PLPPR4: variants seen among roughly 807,000 people sequenced by gnomAD.
PLPPR4 encodes the protein phospholipid phosphatase related 4, also known as phospholipid phosphatase-related protein type 4.
In PLPPR4, 24 loss-of-function variants were observed where a neutral mutation model predicts 56.6. That is an observed-to-expected ratio of 0.42 (90% CI 0.31 to 0.60). PLPPR4 has a LOEUF of 0.60. Among genes scored for constraint, PLPPR4 ranks in the 20% least tolerant of loss-of-function variants. PLPPR4 has a pLI of 0.13. For synonymous variants in PLPPR4, 326 were observed against 328.1 expected, an observed-to-expected ratio of 0.99 and a Z score of 0.07; for missense variants, 654 against 885.8, an observed-to-expected ratio of 0.74 and a Z score of 3.32.
At position 99,306,186 on chromosome 1, in the gene PLPPR4, G is replaced by A. The variant is rs930651966; in HGVS notation, c.1324G>A (p.Val442Met). 1 of 1,613,980 alleles carries A rather than the reference G, an allele frequency of 6.2e-7. No individual in the cohort carries two copies. The highest frequency in any genetic ancestry group is 1.3e-5 in the African/African-American group (1 of 74,900). Residue 442 changes from valine (V) to methionine (M), a missense_variant, in exon 7 of 7, where the codon GTG (valine) becomes ATG (methionine). Coordinates refer to ENST00000370185, the MANE Select transcript of PLPPR4 (RefSeq NM_014839.5). The surrounding 1 kb of genome is among the most constrained non-coding windows in gnomAD (Gnocchi z 4.0). ...AAGCTCAGAGCCATCGAGGGTAGGG[G>A]TGAATGGAGACCACCATGGTCCTGG... ...RSSSEPSRVGVNGDHHGPGNQ... is the reference protein window; with the variant it reads ...RSSSEPSRVGMNGDHHGPGNQ...
rs1043300081 is a variant in PLPPR4 at position 99,298,720 on chromosome 1, G to T, written c.395-315G>T. 2.5e-5 allele frequency: 14 copies of T among 550,428 alleles called. 2 individuals are homozygous for T. The South Asian group carries it at 3.4e-4, about 13-fold the overall frequency. The allele number at this position is 550,428 out of a possible 1,614,324, so 34.1% of individuals were successfully genotyped here. On this transcript the variant is annotated intron_variant, in intron 3 of 6. Transcript: ENST00000370185. ...AATTTTTCTTCATTCCACACATGTCGTCGCTCTCAAATAATACCTTAGCAT... is the reference window on the plus strand; with the variant it reads ...AATTTTTCTTCATTCCACACATGTCTTCGCTCTCAAATAATACCTTAGCAT...
At chr1:99,279,268 T>C (rs1165262358) in intron 1 of PLPPR4, among the ~76,000 whole-genome samples, 2 of 152,180 alleles carry the variant, frequency 1.3e-5, no homozygotes, top group African/African-American at 4.8e-5. Context: ...AGGATATCTC[T>C]GTATGGTCAG....
upstream of PLPPR4, among the ~76,000 whole-genome samples, chr1:99,263,395 T>C (rs1463309320): frequency 6.6e-6 from 1 of 151,968 alleles, no homozygotes; most frequent in Non-Finnish European, 1.5e-5. Context: ...GTGAAATGAG[T>C]ATATTATTAG....
At position 99,288,014 on chromosome 1, in the gene PLPPR4, C is replaced by T. The variant is rs1192900478; in HGVS notation, c.128C>T (p.Thr43Ile). The change falls in exon 2 of 7, where the codon ACA (threonine) becomes ATA (isoleucine). Residue 43 changes from threonine to isoleucine, a missense_variant. Transcript: ENST00000370185. ...SVVSLYFLEL[T>I]DVFKPVHSGF... is the part of the protein sequence containing the mutation. ...GTTAGCCTCTATTTCCTCGAACTCA[C>T]AGATGTCTTCAAACCTGTGCACTCT... 1 of 1,613,576 alleles carries T rather than the reference C, an allele frequency of 6.2e-7. No individual in the cohort carries two copies.
chr1:99,268,192 C>G (rs992926091), intron 1 of PLPPR4, among the ~76,000 whole-genome samples: 1 of 152,230 alleles, frequency 6.6e-6, no homozygotes, highest in African/African-American at 2.4e-5. Flanking sequence ...GGCAAGGGCA[C>G]ACTGACAAAC....
intron 1 of PLPPR4, among the ~76,000 whole-genome samples, chr1:99,265,961 A>G (rs1222848704): frequency 6.6e-6 from 1 of 152,208 alleles, no homozygotes; most frequent in African/African-American, 2.4e-5. Context: ...GCATTCATGA[A>G]CCATAGAAAA....
chr1:99,290,212 A>G (rs146753070), intron 2 of PLPPR4, among the ~76,000 whole-genome samples: 225 of 152,314 alleles, frequency 1.5e-3, no homozygotes, highest in African/African-American at 4.6e-3. Context: ...AAAGAATGAA[A>G]TATCTAGGAA....
chr1:99,279,317 A>G (rs762289036), intron 1 of PLPPR4, among the ~76,000 whole-genome samples: 8 of 152,336 alleles, frequency 5.3e-5, no homozygotes, highest in Admixed American at 2.0e-4. Context: ...GCAGGAAAAC[A>G]TGTGGAACCT....
intron 2 of PLPPR4, among the ~76,000 whole-genome samples, chr1:99,294,073 T>G (rs72980839): frequency 0.057 from 8,536 of 149,210 alleles, 785 homozygotes; most frequent in African/African-American, 0.2. Context: ...TCTGACACCA[T>G]ACCTCAGTAC....
chr1:99,299,332 GT>G, intron 4 of PLPPR4, 102 bp downstream of exon 4: 1 of 849,932 alleles, frequency 1.2e-6, no homozygotes, highest in Non-Finnish European at 1.8e-6. Flanking sequence ...TAATGATTTT[GT>G]TTTTATTTTT....
intron 6 of PLPPR4, among the ~76,000 whole-genome samples, chr1:99,302,154 G>A (rs1258655115): frequency 6.6e-6 from 1 of 152,056 alleles, no homozygotes; most frequent in Admixed American, 6.6e-5. Context: ...GAGGTGGGCA[G>A]GGACTACTAT....
chr1:99,264,447 T>G, upstream of PLPPR4: 1 of 1,484,002 alleles, frequency 6.7e-7, no homozygotes, highest in Non-Finnish European at 8.9e-7. Flanking sequence ...GCGGGGGCGC[T>G]GCATGCAGCG....
intron 3 of PLPPR4, chr1:99,298,774 A>C (rs902351900): frequency 3.3e-6 from 2 of 606,016 alleles, no homozygotes; most frequent in African/African-American, 3.7e-5. Flanking sequence ...AGTGACTTAC[A>C]GTTAATGTTA....
intron 1 of PLPPR4, 108 bp downstream of exon 1, chr1:99,264,779 G>T: frequency 8.1e-7 from 1 of 1,233,250 alleles, no homozygotes. Flanking sequence ...GGGCGCGCGC[G>T]GCTGTCCCCA....
intron 1 of PLPPR4, among the ~76,000 whole-genome samples, chr1:99,278,723 G>A (rs569869178): frequency 6.6e-6 from 1 of 152,126 alleles, no homozygotes; most frequent in African/African-American, 2.4e-5. Flanking sequence ...CAATATTCAG[G>A]TAATAAAACA....
intron 2 of PLPPR4, among the ~76,000 whole-genome samples, chr1:99,291,106 A>G (rs1275695314): frequency 2.0e-5 from 3 of 151,560 alleles, no homozygotes; most frequent in African/African-American, 7.3e-5. Context: ...AAAAAAAAAA[A>G]CAATTAAAAA....
At chr1:99,301,619 G>A (rs760409405) in intron 5 of PLPPR4, 105 bp from the exon 6 acceptor site, 27 of 747,910 alleles carry the variant, frequency 3.6e-5, no homozygotes, top group Non-Finnish European at 5.7e-5. Context: ...GGGTGAAACA[G>A]TAAAACTGAA....
chr1:99,270,581 A>C lies in PLPPR4; in HGVS notation c.78+5910A>C, dbSNP rs1377009904. 2.0e-5 allele frequency among the ~76,000 whole-genome samples: 3 copies of C among 152,228 alleles called. No homozygotes were observed. In the East Asian group the frequency reaches 5.8e-4, roughly 29 times the overall value. ...ATTTTCTTTCCATTGGAAAGTGTCCACAGGTTTTTAATTGTAGCAAACATT... is the reference window on the plus strand; with the variant it reads ...ATTTTCTTTCCATTGGAAAGTGTCCCCAGGTTTTTAATTGTAGCAAACATT... On this transcript the variant is annotated intron_variant, in intron 1 of 6. Coordinates refer to ENST00000370185, the MANE Select transcript of PLPPR4 (RefSeq NM_014839.5).
chr1:99,300,988 G>C, intron 5 of PLPPR4, 22 bp downstream of exon 5: 1 of 1,600,454 alleles, frequency 6.2e-7, no homozygotes, highest in Non-Finnish European at 8.6e-7. Flanking sequence ...GTTCTTTTTT[G>C]TTAAGTTGTG....
Sources: allele counts gnomAD v4.1 joint callset (sites outside exome capture counted in the v4.1 genomes callset), GRCh38; gene constraint gnomAD v4.1.1; non-coding constraint Gnocchi (gnomAD v3.1); transcripts MANE v1.5; gene names NCBI Gene and HGNC (gene_info 2026-07-23, HGNC 2026-07-21).